The following CNPY1 variants were observed in gnomAD, a reference collection of about 807,000 sequenced individuals.
The protein encoded by CNPY1 is protein canopy homolog 1.
A neutral mutation model predicts 14.4 loss-of-function variants in CNPY1; 14 were observed. The ratio of observed to expected loss-of-function variants is 0.97; its 90% CI spans 0.64 to 1.52. CNPY1 has a LOEUF of 1.52. Ranked by LOEUF, CNPY1 falls within the 40% of genes most tolerant of loss-of-function variation. The pLI is 0.00. For synonymous variants in CNPY1, 43 were observed against 46.5 expected (o/e 0.92, Z 0.31); for missense variants, 129 against 131.5 (o/e 0.98, Z 0.09).
chr7:155,535,876 T>G (rs958688290), intron 2 of CNPY1, among the ~76,000 whole-genome samples: 1 of 152,242 alleles, frequency 6.6e-6, no homozygotes, highest in African/African-American at 2.4e-5. Flanking sequence ...AAGCATCGTC[T>G]GCTATCATCA....
chr7:155,524,765 T>A (rs1346649979), intron 2 of CNPY1, among the ~76,000 whole-genome samples: 1 of 152,058 alleles, frequency 6.6e-6, no homozygotes, highest in East Asian at 1.9e-4. Context: ...ACTTGAATCA[T>A]CCCCAAACCA....
chr7:155,508,861 T>C, intron 3 of CNPY1, 33 bp downstream of exon 3: 1 of 1,608,696 alleles, frequency 6.2e-7, no homozygotes, highest in Non-Finnish European at 8.5e-7. Flanking sequence ...CGTTTCTGGA[T>C]CATACGATTC....
chr7:155,542,989 T>C (rs73734803), intron 2 of CNPY1, among the ~76,000 whole-genome samples: 2 of 150,544 alleles, frequency 1.3e-5, no homozygotes, highest in Non-Finnish European at 3.0e-5. Flanking sequence ...GGCCACTCAC[T>C]CGCTTTGCTT....
chr7:155,522,055 G>C (rs534477567), intron 2 of CNPY1, among the ~76,000 whole-genome samples: 1 of 152,194 alleles, frequency 6.6e-6, no homozygotes, highest in Non-Finnish European at 1.5e-5. Context: ...TGTTGAACAC[G>C]CACGTGCACA....
chr7:155,544,286 T>A (rs991603937), intron 2 of CNPY1, among the ~76,000 whole-genome samples: 4 of 152,190 alleles, frequency 2.6e-5, no homozygotes, highest in African/African-American at 9.7e-5. Context: ...TTGTCAGGAC[T>A]AGAAAATCAC....
chr7:155,539,499 C>T (rs1797060228), intron 2 of CNPY1, among the ~76,000 whole-genome samples: 1 of 152,182 alleles, frequency 6.6e-6, no homozygotes, highest in South Asian at 2.1e-4. Context: ...GAATAGCCAG[C>T]CCTCTCATTT....
intron 2 of CNPY1, among the ~76,000 whole-genome samples, chr7:155,509,903 A>G (rs1796480239): frequency 6.6e-6 from 1 of 151,896 alleles, no homozygotes; most frequent in Non-Finnish European, 1.5e-5. Flanking sequence ...CGGAGACAAA[A>G]CGTTCGGGGC....
intron 2 of CNPY1, among the ~76,000 whole-genome samples, chr7:155,519,598 A>T (rs1430099316): frequency 1.3e-5 from 2 of 152,028 alleles, no homozygotes; most frequent in African/African-American, 4.8e-5. Context: ...CAAAGTATAA[A>T]GAACAGATTG....
rs1251841975 is a variant in CNPY1 at position 155,501,773 on chromosome 7, G to A, written c.*1295C>T. On this transcript the variant is annotated 3_prime_UTR_variant, in exon 5 of 5. Coordinates refer to ENST00000636446, the MANE Select transcript of CNPY1 (RefSeq NM_001393663.1). ...GAGCCATCAGACTTAAGCAGCCACA[G>A]ACAAGACAAAAAAGAAGCACCCAAG... 6.6e-6 allele frequency: 1 copy of A among 152,158 alleles called. No homozygotes were observed. Among genetic ancestry groups the A allele is most frequent in the Non-Finnish European group, 1.5e-5 (1 of 68,014 alleles). The allele number at this position is 152,158 out of a possible 1,614,324, so 9.4% of individuals were successfully genotyped here.
At chr7:155,527,059 T>TTCTTTCTTTCTTTCTTTCTTTCA (rs1585323187) in intron 2 of CNPY1, among the ~76,000 whole-genome samples, 1 of 141,808 alleles carries the variant, frequency 7.1e-6, no homozygotes. Context: ...TCTTTCTTTT[T>TTCTTTCTTTCTTTCTTTCTTTCA]TTTTTTTTTT....
intron 2 of CNPY1, among the ~76,000 whole-genome samples, chr7:155,529,972 C>T (rs546836168): frequency 4.6e-5 from 7 of 152,064 alleles, no homozygotes; most frequent in East Asian, 1.9e-4. Flanking sequence ...TTAGTAGAGA[C>T]GGGCTTTACC....
intron 2 of CNPY1, among the ~76,000 whole-genome samples, chr7:155,515,753 A>C (rs2116704139): frequency 6.6e-6 from 1 of 152,242 alleles, no homozygotes; most frequent in Non-Finnish European, 1.5e-5. Flanking sequence ...TGCAGCAGGG[A>C]GGGTAGAGCC....
chr7:155,543,736 G>A (rs1421815474), intron 2 of CNPY1, among the ~76,000 whole-genome samples: 4 of 152,166 alleles, frequency 2.6e-5, no homozygotes, highest in African/African-American at 7.2e-5. Context: ...CCACCCGCGC[G>A]CCTACAGGGT....
intron 2 of CNPY1, among the ~76,000 whole-genome samples, chr7:155,540,618 C>T (rs1797073152): frequency 6.6e-6 from 1 of 152,266 alleles, no homozygotes. Flanking sequence ...AGGCCTTGCT[C>T]TCACACTCAG....
At chr7:155,527,054 C>CTTTCTTTCTTTTTTTCTT (rs56296833) in intron 2 of CNPY1, among the ~76,000 whole-genome samples, 2 of 90,344 alleles carry the variant, frequency 2.2e-5, no homozygotes, top group Non-Finnish European at 4.1e-5. Flanking sequence ...TTCTTTCTTT[C>CTTTCTTTCTTTTTTTCTT]TTTTTTTTTT....
intron 2 of CNPY1, among the ~76,000 whole-genome samples, chr7:155,534,179 C>T (rs1354253794): frequency 2.6e-5 from 4 of 152,234 alleles, no homozygotes; most frequent in African/African-American, 9.6e-5. Context: ...GCACAGTCTC[C>T]TGATGGCCTC....
chr7:155,522,433 GTCA>G (rs1796743768), intron 2 of CNPY1, among the ~76,000 whole-genome samples: 1 of 152,278 alleles, frequency 6.6e-6, no homozygotes, highest in African/African-American at 2.4e-5. Context: ...CAGTAGCCAT[GTCA>G]GGGTGTCCCT....
chr7:155,520,998 A>G (rs904522566), intron 2 of CNPY1, among the ~76,000 whole-genome samples: 2 of 150,836 alleles, frequency 1.3e-5, no homozygotes, highest in South Asian at 2.1e-4. Context: ...GTGGTGGCAC[A>G]TATCTGTAAT....
intron 2 of CNPY1, among the ~76,000 whole-genome samples, chr7:155,521,075 GAAGC>G (rs1251139868): frequency 1.3e-4 from 19 of 149,780 alleles, no homozygotes; most frequent in African/African-American, 2.2e-4. Flanking sequence ...AGGAAGGAAG[GAAGC>G]AAGGAAGGAA....
Sources: allele counts gnomAD v4.1 joint callset (sites outside exome capture counted in the v4.1 genomes callset), GRCh38; gene constraint gnomAD v4.1.1; transcripts MANE v1.5; gene names NCBI Gene and HGNC (gene_info 2026-07-23, HGNC 2026-07-21).